Variants in SNX29 observed in about 807,000 individuals in gnomAD.
SNX29 encodes sorting nexin 29.
In SNX29, 78 loss-of-function variants were observed where a neutral mutation model predicts 102.1. The ratio of observed to expected loss-of-function variants is 0.76; its 90% CI spans 0.64 to 0.92. The LOEUF (loss-of-function observed/expected upper bound fraction) is 0.92, where lower values mean the gene tolerates loss of function less well. SNX29 is among the 40% of genes least tolerant of loss of function. The probability of loss-of-function intolerance (pLI) is 0.00; values close to 1 mark genes in which losing one functional copy is unlikely to be tolerated. For synonymous variants in SNX29, 580 were observed against 414.5 expected (o/e 1.40, Z -4.85); for missense variants, 1,280 against 1,061.7 (o/e 1.21, Z -2.86).
At chr16:12,117,777 G>C (rs550639760) in intron 11 of SNX29, among the ~76,000 whole-genome samples, 13 of 152,246 alleles carry the variant, frequency 8.5e-5, no homozygotes, top group Admixed American at 8.5e-4. Flanking sequence ...GATATGAATC[G>C]TACCTCAGTA....
intron 15 of SNX29, among the ~76,000 whole-genome samples, chr16:12,279,738 A>G (rs969519784): frequency 1.3e-5 from 2 of 152,232 alleles, no homozygotes; most frequent in African/African-American, 2.4e-5. Context: ...GGCAAATGGT[A>G]GGTGCTGCGT....
intron 10 of SNX29, among the ~76,000 whole-genome samples, chr16:12,077,968 GTC>G (rs1320507389): frequency 6.6e-6 from 1 of 152,062 alleles, no homozygotes; most frequent in Admixed American, 6.6e-5. Flanking sequence ...CTGGTTTTAT[GTC>G]TGTTCCTGTT....
intron 13 of SNX29, among the ~76,000 whole-genome samples, chr16:12,193,021 G>A (rs998862329): frequency 6.6e-5 from 10 of 152,130 alleles, no homozygotes; most frequent in Admixed American, 6.5e-4. Context: ...TTTTTGTAGA[G>A]ATGTGATCTT....
chr16:12,427,173 G>A (rs995971672), intron 18 of SNX29, among the ~76,000 whole-genome samples: 1 of 152,112 alleles, frequency 6.6e-6, no homozygotes, highest in African/African-American at 2.4e-5. Flanking sequence ...GCCTAGCTGG[G>A]AAATGACTCA....
chr16:12,067,341 G>T (rs1377339646), intron 9 of SNX29, among the ~76,000 whole-genome samples: 1 of 152,016 alleles, frequency 6.6e-6, no homozygotes, highest in Non-Finnish European at 1.5e-5. Flanking sequence ...GGGGGTTCTT[G>T]GGGCACCTTG....
chr16:12,018,640 C>T (rs1225792906), intron 3 of SNX29, among the ~76,000 whole-genome samples: 6 of 151,344 alleles, frequency 4.0e-5, no homozygotes, highest in Non-Finnish European at 7.4e-5. Context: ...CATCAAGTTC[C>T]TCTCCTCTAG....
intron 13 of SNX29, among the ~76,000 whole-genome samples, chr16:12,178,754 G>A (rs2031583476): frequency 1.3e-5 from 2 of 152,174 alleles, no homozygotes; most frequent in Non-Finnish European, 2.9e-5. Context: ...GTAGTTTTCC[G>A]ACTTGAGTAG....
At chr16:12,310,079 CAT>C (rs1229466516) in intron 15 of SNX29, among the ~76,000 whole-genome samples, 13 of 150,284 alleles carry the variant, frequency 8.7e-5, no homozygotes, top group African/African-American at 2.7e-4. Context: ...CATACATACA[CAT>C]GTGCACACAT....
intron 16 of SNX29, among the ~76,000 whole-genome samples, chr16:12,383,642 G>T (rs2083252087): frequency 6.6e-6 from 1 of 151,728 alleles, no homozygotes; most frequent in African/African-American, 2.4e-5. Flanking sequence ...CACCACGTTG[G>T]CCAGGCTGGT....
chr16:12,331,640 C>T (rs1483285817), intron 15 of SNX29, among the ~76,000 whole-genome samples: 2 of 152,120 alleles, frequency 1.3e-5, no homozygotes, highest in African/African-American at 2.4e-5. Context: ...CAGCCTCTGC[C>T]TCCTGGGTTC....
chr16:12,547,453 G>C (rs1043870362), intron 20 of SNX29, among the ~76,000 whole-genome samples: 3 of 152,148 alleles, frequency 2.0e-5, no homozygotes, highest in Non-Finnish European at 2.9e-5. Flanking sequence ...GGTGCCTCAG[G>C]CAGCCTGGGA....
intron 11 of SNX29, among the ~76,000 whole-genome samples, chr16:12,119,658 G>T (rs2053889797): frequency 6.6e-6 from 1 of 152,248 alleles, no homozygotes; most frequent in Admixed American, 6.5e-5. Context: ...GGGAACTGGT[G>T]TGAGTCCTGA....
At chr16:12,411,343 C>G (rs979163494) in intron 18 of SNX29, among the ~76,000 whole-genome samples, 1 of 152,166 alleles carries the variant, frequency 6.6e-6, no homozygotes, top group Non-Finnish European at 1.5e-5. Flanking sequence ...TGCCCTTGTT[C>G]TTGCTGTGTC....
chr16:11,981,671 G>C (rs540262793), intron 1 of SNX29, among the ~76,000 whole-genome samples: 11 of 152,074 alleles, frequency 7.2e-5, no homozygotes, highest in African/African-American at 2.7e-4. Flanking sequence ...AGGAGAGATG[G>C]GTGCAAAGCT....
intron 18 of SNX29, among the ~76,000 whole-genome samples, chr16:12,435,793 G>C (rs2085506447): frequency 6.6e-6 from 1 of 152,174 alleles, no homozygotes; most frequent in African/African-American, 2.4e-5. Flanking sequence ...TCCATGGTGA[G>C]GATGCACTTT....
intron 3 of SNX29, among the ~76,000 whole-genome samples, chr16:12,015,929 A>G (rs1050849114): frequency 4.6e-5 from 7 of 150,916 alleles, no homozygotes; most frequent in East Asian, 2.0e-4. Flanking sequence ...CAGTGGTGCA[A>G]TCTTGGCTCA....
chr16:12,496,436 G>C (rs1429135273), intron 19 of SNX29, among the ~76,000 whole-genome samples: 4 of 151,374 alleles, frequency 2.6e-5, no homozygotes, highest in Non-Finnish European at 5.9e-5. Context: ...TGGAGGCTGG[G>C]CCCTTCGCTG....
chr16:12,225,622 T>G (rs2077589972), intron 14 of SNX29, among the ~76,000 whole-genome samples: 1 of 152,236 alleles, frequency 6.6e-6, no homozygotes, highest in Non-Finnish European at 1.5e-5. Flanking sequence ...TATGTCTTTA[T>G]CAGCATTGTG....
chr16:12,502,218 G>C (rs939912245), intron 19 of SNX29, among the ~76,000 whole-genome samples: 6 of 152,210 alleles, frequency 3.9e-5, no homozygotes, highest in African/African-American at 1.4e-4. Flanking sequence ...GACAGTGGCA[G>C]TGAGGGGCGG....
Sources: gnomAD v4.1 joint callset for allele counts (sites outside exome capture counted in the v4.1 genomes callset) on GRCh38, gnomAD v4.1.1 for gene constraint, MANE v1.5 for transcripts, NCBI Gene and HGNC (gene_info 2026-07-23, HGNC 2026-07-21) for gene names.